The following PSME4 variants were observed in gnomAD, a reference collection of about 807,000 sequenced individuals.
PSME4 encodes proteasome activator complex subunit 4.
Under a neutral mutation model 253.9 loss-of-function variants are expected in PSME4, and 89 were observed. The ratio of observed to expected loss-of-function variants is 0.35; its 90% CI spans 0.30 to 0.42. PSME4 has a LOEUF of 0.42. Ranked by LOEUF, PSME4 falls within the 10% of genes least tolerant of loss-of-function variation. The pLI is 1.00. For missense variants in PSME4, 2,014 were observed against 2,195.2 expected (o/e 0.92, Z 1.65); for synonymous variants, 851 against 759.2 (o/e 1.12, Z -1.99).
chr2:53,940,952 CATATATAT>C (rs1169212491), intron 3 of PSME4, among the ~76,000 whole-genome samples: 8 of 24,024 alleles, frequency 3.3e-4, no homozygotes, highest in African/African-American at 9.7e-4. Flanking sequence ...TATATATATA[CATATATAT>C]ATATATATAT....
At chr2:53,919,679 T>A (rs950737913) in intron 19 of PSME4, among the ~76,000 whole-genome samples, 10 of 152,348 alleles carry the variant, frequency 6.6e-5, no homozygotes, top group Non-Finnish European at 1.5e-4. Flanking sequence ...TTTCTCCAAG[T>A]GCATTCTTAA....
At chr2:53,926,956 T>C (rs1212910052) in intron 12 of PSME4, among the ~76,000 whole-genome samples, 2 of 145,090 alleles carry the variant, frequency 1.4e-5, no homozygotes, top group South Asian at 2.3e-4. Flanking sequence ...CTGGGTGACA[T>C]AACAAGACTC....
intron 1 of PSME4, among the ~76,000 whole-genome samples, chr2:53,963,790 T>C (rs1322083764): frequency 1.3e-5 from 2 of 152,186 alleles, no homozygotes; most frequent in Non-Finnish European, 2.9e-5. Flanking sequence ...AAAGTGATAA[T>C]AGATGTTAAT....
intron 40 of PSME4, among the ~76,000 whole-genome samples, chr2:53,886,578 G>C (rs1220596149): frequency 2.6e-5 from 4 of 152,208 alleles, no homozygotes; most frequent in African/African-American, 9.7e-5. Flanking sequence ...CGAGAACACG[G>C]AACCCTTGTG....
At chr2:53,908,014 G>A in intron 24 of PSME4, 1 of 292,662 alleles carries the variant, frequency 3.4e-6, no homozygotes, top group Non-Finnish European at 6.4e-6. Flanking sequence ...CATGCCCATA[G>A]ATAATTCCTC....
At position 53,896,810 on chromosome 2, in the gene PSME4, C is replaced by T; in HGVS notation, c.3682G>A (p.Glu1228Lys). Residue 1228 changes from glutamate (E) to lysine (K), a missense_variant, in exon 32 of 47, where the codon GAA (glutamate) becomes AAA (lysine). Glu to Lys is a moderately conservative substitution (Grantham distance 56). Around this residue, in one of 4 missense-constraint regions of PSME4, gnomAD observed 989 missense variants for 1,021.1 expected, o/e 0.97. Coordinates refer to ENST00000404125, the MANE Select transcript of PSME4 (RefSeq NM_014614.3). ...TACTTCTGGTAGTACTCACTGATTT[C>T]ACAGGGGTTAATGGTCAGCTTTTTG... Reference protein sequence around the residue: ...THKKLTINPCEISGCPKPTQI... With the variant: ...THKKLTINPCKISGCPKPTQI... The T allele has an allele frequency of 1.2e-6, 2 of 1,603,136 alleles. No individual in the cohort carries two copies. Among genetic ancestry groups the T allele is most frequent in the Admixed American group, 1.7e-5 (1 of 59,998 alleles).
At position 53,963,528 on chromosome 2, in the gene PSME4, T is replaced by C. The variant is rs1573386537; in HGVS notation, c.242+7015A>G. On this transcript the variant is annotated intron_variant, in intron 1 of 46. Transcript: ENST00000404125. ...TGTACACTAACCTATGAGCCTCTTGTGTCTTCATTTTTTAAATGAAGGTAA... is the reference window on the plus strand; with the variant it reads ...TGTACACTAACCTATGAGCCTCTTGCGTCTTCATTTTTTAAATGAAGGTAA... Among the ~76,000 whole-genome samples the C allele has an allele frequency of 2.0e-5, 3 of 152,336 alleles. No individual in the cohort carries two copies. In the South Asian group the frequency reaches 6.2e-4, roughly 32 times the overall value.
intron 42 of PSME4, 30 bp downstream of exon 42, chr2:53,875,597 A>G (rs1275058992): frequency 1.9e-6 from 3 of 1,580,860 alleles, no homozygotes; most frequent in South Asian, 1.2e-5. Context: ...AATCCTAATC[A>G]AAAGACATAA....
chr2:53,901,640 G>C, intron 27 of PSME4, 81 bp from the exon 28 acceptor site: 1 of 1,120,316 alleles, frequency 8.9e-7, no homozygotes, highest in Non-Finnish European at 1.3e-6. Flanking sequence ...CTATGTATTG[G>C]TTTTAAATGA....
chr2:53,906,960 AG>A (rs762415933), intron 24 of PSME4, 92 bp from the exon 25 acceptor site: 1 of 1,158,578 alleles, frequency 8.6e-7, no homozygotes, highest in Non-Finnish European at 1.3e-6. Context: ...GTGGTCAAAA[AG>A]GTCCCTGGTT....
At chr2:53,886,596 T>G (rs1679648927) in intron 40 of PSME4, among the ~76,000 whole-genome samples, 1 of 152,232 alleles carries the variant, frequency 6.6e-6, no homozygotes, top group South Asian at 2.1e-4. Flanking sequence ...GTGCATTTGC[T>G]GACTGGAATG....
chr2:53,960,118 G>A (rs542878716), intron 1 of PSME4, among the ~76,000 whole-genome samples: 1 of 152,290 alleles, frequency 6.6e-6, no homozygotes, highest in South Asian at 2.1e-4. Context: ...AGTCATAGGA[G>A]GCCAGGCATG....
chr2:53,936,729 T>A, intron 6 of PSME4, 35 bp downstream of exon 6: 4 of 1,404,216 alleles, frequency 2.8e-6, no homozygotes, highest in Admixed American at 2.5e-5. Context: ...AAAAAAAAAC[T>A]ATAGGGGGGA....
chr2:53,891,265 C>G (rs181470816), intron 36 of PSME4, among the ~76,000 whole-genome samples: 1 of 152,258 alleles, frequency 6.6e-6, no homozygotes, highest in African/African-American at 2.4e-5. Flanking sequence ...CGTACAGAGA[C>G]TGCATTTACA....
intron 8 of PSME4, among the ~76,000 whole-genome samples, chr2:53,933,420 T>C (rs1194983663): frequency 7.2e-6 from 1 of 139,576 alleles, no homozygotes; most frequent in Non-Finnish European, 1.5e-5. Flanking sequence ...CCCTCTGTTG[T>C]CCAGGGTGGA....
chr2:53,957,416 T>G (rs977166301), intron 1 of PSME4, among the ~76,000 whole-genome samples: 1 of 151,380 alleles, frequency 6.6e-6, no homozygotes, highest in Admixed American at 6.6e-5. Flanking sequence ...CATTGGGGGG[T>G]GATGGGAGAC....
chr2:53,919,374 A>T, intron 19 of PSME4, 128 bp from the exon 20 acceptor site: 1 of 1,265,740 alleles, frequency 7.9e-7, no homozygotes, highest in Non-Finnish European at 1.0e-6. Context: ...AAATGTCTTC[A>T]GTTTACCAAC....
intron 1 of PSME4, among the ~76,000 whole-genome samples, chr2:53,969,508 T>C (rs1411536064): frequency 1.3e-5 from 2 of 152,204 alleles, no homozygotes; most frequent in South Asian, 2.1e-4. Context: ...GAGTGAGTTA[T>C]GTCTTGTGTG....
chr2:53,956,655 G>A (rs1182898127), intron 1 of PSME4, among the ~76,000 whole-genome samples: 2 of 151,650 alleles, frequency 1.3e-5, no homozygotes, highest in African/African-American at 4.8e-5. Flanking sequence ...TCACTGCAAC[G>A]TCCGCCTCCC....
Sources: gnomAD v4.1 joint callset for allele counts (sites outside exome capture counted in the v4.1 genomes callset) on GRCh38, gnomAD v4.1.1 for gene constraint, gnomAD v4.1.1 regional missense constraint, MANE v1.5 for transcripts, NCBI Gene and HGNC (gene_info 2026-07-23, HGNC 2026-07-21) for gene names.